CCDC30: variants seen among roughly 807,000 people sequenced by gnomAD.
CCDC30 encodes coiled-coil domain containing 30.
In CCDC30, 70 loss-of-function variants were observed where a neutral mutation model predicts 100.2. The observed-to-expected ratio is 0.70, with a 90% confidence interval of 0.58 to 0.85. The LOEUF (loss-of-function observed/expected upper bound fraction) is 0.85. Among genes scored for constraint, CCDC30 ranks in the 40% least tolerant of loss-of-function variants. CCDC30 has a pLI of 0.00. For synonymous variants in CCDC30, 233 were observed against 269.5 expected, an observed-to-expected ratio of 0.86 and a Z score of 1.33; for missense variants, 652 against 771.2, an observed-to-expected ratio of 0.85 and a Z score of 1.83.
At chr1:42,625,616 CT>C (rs1420939321) in intron 11 of CCDC30, among the ~76,000 whole-genome samples, 3 of 152,052 alleles carry the variant, frequency 2.0e-5, no homozygotes, top group Non-Finnish European at 4.4e-5. Flanking sequence ...CATTGGCCCA[CT>C]GGTCATTCAG....
At chr1:42,549,377 G>A (rs1361392776) in intron 6 of CCDC30, among the ~76,000 whole-genome samples, 1 of 152,152 alleles carries the variant, frequency 6.6e-6, no homozygotes, top group Non-Finnish European at 1.5e-5. Flanking sequence ...TACACAGCAA[G>A]CTACCAGCAG....
At chr1:42,607,444 C>T (rs750846729) in intron 10 of CCDC30, among the ~76,000 whole-genome samples, 6 of 151,392 alleles carry the variant, frequency 4.0e-5, no homozygotes, top group African/African-American at 9.7e-5. Flanking sequence ...TGTGACCAGG[C>T]ACAGTGGCTC....
the CCDC30 span, chr1:42,456,589 C>T: frequency 2.7e-6 from 4 of 1,500,028 alleles, no homozygotes; most frequent in Non-Finnish European, 8.9e-7. Context: ...ATCCGGTAGC[C>T]GAGTTCCCCC....
chr1:42,490,010 A>T (rs1181306601), intron 3 of CCDC30, 148 bp from the exon 4 acceptor site: 1 of 337,928 alleles, frequency 3.0e-6, no homozygotes, highest in Non-Finnish European at 5.3e-6. Flanking sequence ...AAGTCTGGGA[A>T]AATTCCCTGA....
At chr1:42,558,125 T>C in intron 6 of CCDC30, 1 of 311,622 alleles carries the variant, frequency 3.2e-6, no homozygotes, top group Non-Finnish European at 6.8e-6. Flanking sequence ...TAATTTGCAT[T>C]TCTACTCTGG....
At chr1:42,475,742 A>G (rs1230132479) in intron 1 of CCDC30, among the ~76,000 whole-genome samples, 1 of 152,224 alleles carries the variant, frequency 6.6e-6, no homozygotes, top group Non-Finnish European at 1.5e-5. Flanking sequence ...TGTCTATTAC[A>G]GCACTTACCA....
chr1:42,460,639 G>A (rs2148422866), upstream of CCDC30, among the ~76,000 whole-genome samples: 1 of 152,312 alleles, frequency 6.6e-6, no homozygotes, highest in South Asian at 2.1e-4. Context: ...GGGCCACTTG[G>A]TGATCTCTGT....
At chr1:42,457,037 C>T in the CCDC30 span, 1 of 1,600,476 alleles carries the variant, frequency 6.2e-7, no homozygotes, top group South Asian at 1.1e-5. Context: ...CTATTTGCAT[C>T]TGTTGCAGGC....
chr1:42,585,201 A>T lies in CCDC30; in HGVS notation c.1001+3687A>T, dbSNP rs187824775. On this transcript the variant is annotated intron_variant, in intron 9 of 16. Transcript: ENST00000668663. ...GAATTGTTCATAATACTCCTTTATT[A>T]TCCTTTTAATGTCCATGGAGTTAGT... Among the ~76,000 whole-genome samples the T allele has an allele frequency of 2.1e-3, 320 of 152,270 alleles. 2 individuals carry two copies. Among genetic ancestry groups the T allele is most frequent in the Non-Finnish European group, 3.6e-3 (248 of 68,022 alleles).
chr1:42,646,274 C>A lies in CCDC30; in HGVS notation c.1811C>A (p.Ser604Ter). 6.5e-7 allele frequency: 1 copy of A among 1,548,724 alleles called. No homozygotes were observed. Among genetic ancestry groups the A allele is most frequent in the South Asian group, 1.2e-5 (1 of 83,524 alleles). Residue 604 changes from serine (S) to a stop codon, truncating the protein, a stop_gained, in exon 15 of 17, where the codon TCA becomes TAA. Coordinates refer to ENST00000668663, the Ensembl canonical transcript of CCDC30. LOFTEE classifies it high-confidence loss of function. ...GCAGAACTCCAGCATGAGGATGAGT[C>A]AGTTCCTGAGGCCACAGAGAAGTGG...
intron 4 of CCDC30, among the ~76,000 whole-genome samples, chr1:42,493,995 C>G (rs1314716788): frequency 1.3e-5 from 2 of 152,162 alleles, no homozygotes; most frequent in East Asian, 1.9e-4. Context: ...GGGTGAATCA[C>G]TTGAAGTCAA....
intron 11 of CCDC30, among the ~76,000 whole-genome samples, chr1:42,626,527 T>G (rs1173921369): frequency 6.6e-6 from 1 of 151,894 alleles, no homozygotes; most frequent in Non-Finnish European, 1.5e-5. Context: ...ATATGTTGTA[T>G]TTTTTTTGGT....
chr1:42,457,252 T>A, the CCDC30 span: 1 of 1,614,138 alleles, frequency 6.2e-7, no homozygotes, highest in Non-Finnish European at 8.5e-7. Flanking sequence ...TGCAGGCCCT[T>A]CTGCGATGTT....
intron 10 of CCDC30, among the ~76,000 whole-genome samples, chr1:42,603,590 T>C (rs948598635): frequency 6.6e-6 from 1 of 152,176 alleles, no homozygotes; most frequent in Non-Finnish European, 1.5e-5. Context: ...TACATACCTA[T>C]TAGAATGAAC....
chr1:42,638,537 C>A lies in CCDC30; in HGVS notation c.1419+1159C>A, dbSNP rs1647203949. Among the ~76,000 whole-genome samples the A allele has an allele frequency of 2.0e-5, 3 of 146,424 alleles. No individual in the cohort carries two copies. In the South Asian group the frequency reaches 6.5e-4, roughly 32 times the overall value. ...AAAGTGTATAAGAAAAAGTAGTAAT[C>A]CATTTTAATAGCACCCATGGGCAAA... On this transcript the variant is annotated intron_variant, in intron 12 of 16. Coordinates refer to ENST00000668663, the Ensembl canonical transcript of CCDC30.
intron 3 of CCDC30, among the ~76,000 whole-genome samples, chr1:42,484,034 A>G (rs1369907208): frequency 2.0e-5 from 3 of 151,888 alleles, no homozygotes; most frequent in Non-Finnish European, 4.4e-5. Context: ...ATTCTTTTAC[A>G]AATGCAATGT....
At chr1:42,516,571 C>CAAAAAAAA (rs61638436) in intron 6 of CCDC30, among the ~76,000 whole-genome samples, 1 of 102,158 alleles carries the variant, frequency 9.8e-6, no homozygotes, top group Non-Finnish European at 1.9e-5. Flanking sequence ...GACTCCATCT[C>CAAAAAAAA]AAAAAAAAAA....
chr1:42,598,640 A>C (rs1323164380), intron 10 of CCDC30, among the ~76,000 whole-genome samples: 2 of 152,196 alleles, frequency 1.3e-5, no homozygotes, highest in African/African-American at 2.4e-5. Flanking sequence ...GATATAAATC[A>C]AATTATATTA....
intron 6 of CCDC30, among the ~76,000 whole-genome samples, chr1:42,501,351 T>C (rs1374362244): frequency 6.6e-6 from 1 of 152,246 alleles, no homozygotes; most frequent in African/African-American, 2.4e-5. Flanking sequence ...CTGGTCTCTG[T>C]ATTCCATTCT....
Sources: gnomAD v4.1 joint callset for allele counts (sites outside exome capture counted in the v4.1 genomes callset) on GRCh38, gnomAD v4.1.1 for gene constraint, MANE v1.5 for transcripts, NCBI Gene and HGNC (gene_info 2026-07-23, HGNC 2026-07-21) for gene names.